CACNA2D3: variants seen among roughly 807,000 people sequenced by gnomAD.
The protein encoded by CACNA2D3 is voltage-dependent calcium channel subunit alpha-2/delta-3.
A neutral mutation model predicts 160.6 loss-of-function variants in CACNA2D3; 60 were observed. That is an observed-to-expected ratio of 0.37 (90% CI 0.30 to 0.46). The LOEUF (loss-of-function observed/expected upper bound fraction) is 0.46. Ranked by LOEUF, CACNA2D3 falls within the 20% of genes least tolerant of loss-of-function variation. The pLI, the probability that CACNA2D3 is intolerant of heterozygous loss-of-function variation, is 1.00. For synonymous variants in CACNA2D3, 558 were observed against 492.9 expected (o/e 1.13, Z -1.75); for missense variants, 1,205 against 1,365.0 (o/e 0.88, Z 1.85).
intron 27 of CACNA2D3, among the ~76,000 whole-genome samples, chr3:54,931,892 G>T (rs1247258512): frequency 6.6e-6 from 1 of 152,096 alleles, no homozygotes; most frequent in Non-Finnish European, 1.5e-5. Context: ...GGTATTTAAA[G>T]AATAAAGGCC....
intron 5 of CACNA2D3, among the ~76,000 whole-genome samples, chr3:54,503,870 A>T (rs764576096): frequency 6.6e-6 from 1 of 152,188 alleles, no homozygotes; most frequent in Non-Finnish European, 1.5e-5. Flanking sequence ...GGTTGTTTAC[A>T]TCAGGCTCTC....
chr3:55,000,827 A>G (rs980481505), intron 31 of CACNA2D3, among the ~76,000 whole-genome samples: 1 of 152,096 alleles, frequency 6.6e-6, no homozygotes, highest in African/African-American at 2.4e-5. Flanking sequence ...CTTGGGCAGC[A>G]TTTTTTGTGA....
At chr3:54,451,138 C>T (rs1414072162) in intron 4 of CACNA2D3, among the ~76,000 whole-genome samples, 1 of 150,952 alleles carries the variant, frequency 6.6e-6, no homozygotes, top group Non-Finnish European at 1.5e-5. Context: ...TTGGCCCTGC[C>T]TTCTCTGGCT....
intron 2 of CACNA2D3, among the ~76,000 whole-genome samples, chr3:54,299,735 C>G (rs1346991166): frequency 6.6e-6 from 1 of 152,064 alleles, no homozygotes; most frequent in African/African-American, 2.4e-5. Context: ...TGAAAAGCGT[C>G]CCCCGGGGAA....
intron 13 of CACNA2D3, among the ~76,000 whole-genome samples, chr3:54,800,548 A>G (rs1702961707): frequency 6.6e-6 from 1 of 152,214 alleles, no homozygotes; most frequent in Non-Finnish European, 1.5e-5. Flanking sequence ...AATTGTGAGA[A>G]TTTTCAGGAC....
At chr3:54,319,683 G>A (rs979714843) in intron 2 of CACNA2D3, among the ~76,000 whole-genome samples, 1 of 152,120 alleles carries the variant, frequency 6.6e-6, no homozygotes, top group Non-Finnish European at 1.5e-5. Flanking sequence ...CTCCCTGAGA[G>A]CGTCTCTTTA....
intron 26 of CACNA2D3, among the ~76,000 whole-genome samples, chr3:54,898,013 C>T (rs1700230888): frequency 6.6e-6 from 1 of 152,084 alleles, no homozygotes; most frequent in African/African-American, 2.4e-5. Flanking sequence ...TGTATGCCTG[C>T]CTGTAGTTGT....
chr3:54,803,875 G>T (rs892754265), intron 13 of CACNA2D3, among the ~76,000 whole-genome samples: 10 of 152,182 alleles, frequency 6.6e-5, no homozygotes, highest in Non-Finnish European at 1.5e-4. Context: ...AACTCCACAA[G>T]CCAGAAGAGA....
At chr3:54,323,452 CTTTTCT>C (rs1331501716) in intron 3 of CACNA2D3, among the ~76,000 whole-genome samples, 5 of 146,884 alleles carry the variant, frequency 3.4e-5, no homozygotes, top group African/African-American at 9.9e-5. Context: ...TTCCTCTCCT[CTTTTCT>C]TTTTCTTTTC....
At chr3:55,031,930 T>G (rs2107177444) in intron 35 of CACNA2D3, among the ~76,000 whole-genome samples, 1 of 152,260 alleles carries the variant, frequency 6.6e-6, no homozygotes, top group Middle Eastern at 3.4e-3. Context: ...AGAAAACAAA[T>G]TATATATTTC....
chr3:54,886,697 T>C (rs977836954), intron 23 of CACNA2D3, among the ~76,000 whole-genome samples: 1 of 151,822 alleles, frequency 6.6e-6, no homozygotes, highest in African/African-American at 2.4e-5. Context: ...TATTTTAAAA[T>C]ATATATTAAA....
At chr3:54,691,648 A>G (rs1488076045) in intron 11 of CACNA2D3, among the ~76,000 whole-genome samples, 1 of 152,230 alleles carries the variant, frequency 6.6e-6, no homozygotes, top group Non-Finnish European at 1.5e-5. Flanking sequence ...GTTTATTAAC[A>G]TGAAAATGAG....
At chr3:54,446,734 G>A (rs934701186) in intron 4 of CACNA2D3, among the ~76,000 whole-genome samples, 3 of 152,090 alleles carry the variant, frequency 2.0e-5, no homozygotes, top group African/African-American at 7.2e-5. Context: ...CTAGCCTGAG[G>A]ATGTCGTTTT....
At chr3:54,709,362 C>CTT (rs1294842042) in intron 11 of CACNA2D3, among the ~76,000 whole-genome samples, 3 of 82,304 alleles carry the variant, frequency 3.6e-5, no homozygotes, top group Admixed American at 1.6e-4. Context: ...CTCTCTCTCT[C>CTT]TCTTTTTTTT....
chr3:54,752,620 A>G lies in CACNA2D3; in HGVS notation c.1189A>G (p.Ile397Val). 1 of 1,613,518 alleles carries G rather than the reference A, an allele frequency of 6.2e-7. No homozygotes were observed. Among genetic ancestry groups the G allele is most frequent in the Non-Finnish European group, 8.5e-7 (1 of 1,179,724 alleles). The change falls in exon 12 of 38, where the codon ATT (isoleucine) becomes GTT (valine). Residue 397 changes from isoleucine to valine, a missense_variant. Around this residue, in one of 3 missense-constraint regions of CACNA2D3, gnomAD observed 911 missense variants for 1,002.2 expected, o/e 0.91. Coordinates refer to ENST00000474759, the MANE Select transcript of CACNA2D3 (RefSeq NM_018398.3). ...DRKVRIFTYL[I>V]GREAAFADNL... ...TCAGGTTCGCATCTTCACATACCTCATTGGACGAGAGGCTGCGTTTGCAGA... is the reference window on the plus strand; with the variant it reads ...TCAGGTTCGCATCTTCACATACCTCGTTGGACGAGAGGCTGCGTTTGCAGA...
chr3:54,734,288 C>T (rs148770094), intron 11 of CACNA2D3, among the ~76,000 whole-genome samples: 26 of 152,188 alleles, frequency 1.7e-4, no homozygotes, highest in African/African-American at 3.9e-4. Flanking sequence ...CTTCCTAAAG[C>T]GGGACTCAGT....
intron 17 of CACNA2D3, among the ~76,000 whole-genome samples, chr3:54,861,029 C>G (rs151242203): frequency 2.4e-4 from 36 of 152,262 alleles, no homozygotes; most frequent in Non-Finnish European, 4.9e-4. Flanking sequence ...TTCATGGGAA[C>G]CTGTTCTTTG....
At chr3:54,469,212 G>A (rs1700685459) in intron 4 of CACNA2D3, among the ~76,000 whole-genome samples, 1 of 152,176 alleles carries the variant, frequency 6.6e-6, no homozygotes, top group East Asian at 1.9e-4. Flanking sequence ...CCTCTGGGAC[G>A]AAGCTTGCAG....
chr3:54,636,436 G>T (rs1463276425), intron 10 of CACNA2D3, among the ~76,000 whole-genome samples: 2 of 152,006 alleles, frequency 1.3e-5, no homozygotes, highest in African/African-American at 4.8e-5. Flanking sequence ...AGCTGAAGGA[G>T]CCAGGGAGCA....
Sources: gnomAD v4.1 joint callset for allele counts (sites outside exome capture counted in the v4.1 genomes callset) on GRCh38, gnomAD v4.1.1 for gene constraint, gnomAD v4.1.1 regional missense constraint, MANE v1.5 for transcripts, NCBI Gene and HGNC (gene_info 2026-07-23, HGNC 2026-07-21) for gene names.